PRKCB: variants seen among roughly 807,000 people sequenced by gnomAD.
The protein encoded by PRKCB is protein kinase C beta.
In PRKCB, 13 loss-of-function variants were observed where a neutral mutation model predicts 81.5. That is an observed-to-expected ratio of 0.16 (90% confidence interval 0.10 to 0.25). The LOEUF (loss-of-function observed/expected upper bound fraction) is 0.25, where lower values mean the gene tolerates loss of function less well. PRKCB is among the 10% of genes least tolerant of loss of function. The probability of loss-of-function intolerance (pLI) is 1.00; values close to 1 mark genes in which losing one functional copy is unlikely to be tolerated. For missense variants in PRKCB, 509 were observed against 875.7 expected, an observed-to-expected ratio of 0.58 and a Z score of 5.29; for synonymous variants, 335 against 321.4, an observed-to-expected ratio of 1.04 and a Z score of -0.45.
chr16:24,003,353 C>A lies in PRKCB; in HGVS notation c.288+14763C>A, dbSNP rs187068775. Among the ~76,000 whole-genome samples the A allele has an allele frequency of 7.2e-5, 11 of 151,836 alleles. No individual in the cohort carries two copies. In the East Asian group the frequency reaches 2.1e-3, roughly 29 times the overall value. On this transcript the variant is annotated intron_variant, in intron 3 of 16. Coordinates refer to ENST00000643927, the MANE Select transcript of PRKCB (RefSeq NM_002738.7). ...GTTGACCCCATGGAAAGATGGCAACCCTAGTGGAGGAATTAGCCTTCTTCC... is the reference window on the plus strand; with the variant it reads ...GTTGACCCCATGGAAAGATGGCAACACTAGTGGAGGAATTAGCCTTCTTCC...
At chr16:24,031,531 A>C (rs1190135715) in intron 3 of PRKCB, among the ~76,000 whole-genome samples, 1 of 152,210 alleles carries the variant, frequency 6.6e-6, no homozygotes, top group East Asian at 1.9e-4. Flanking sequence ...TATGGCCTCT[A>C]TCTGGATAGC....
chr16:23,987,403 G>C (rs181664882), intron 2 of PRKCB, among the ~76,000 whole-genome samples: 5 of 138,930 alleles, frequency 3.6e-5, no homozygotes, highest in African/African-American at 5.2e-5. Flanking sequence ...GGTTGGGGTG[G>C]GGGGGGGTGT....
chr16:23,839,005 T>A (rs1597203075), intron 2 of PRKCB, among the ~76,000 whole-genome samples: 2 of 152,186 alleles, frequency 1.3e-5, no homozygotes, highest in African/African-American at 4.8e-5. Flanking sequence ...TTCTTTGAGG[T>A]TGCCTTTCAC....
chr16:24,129,222 G>T (rs1966849450), intron 9 of PRKCB, among the ~76,000 whole-genome samples: 1 of 152,128 alleles, frequency 6.6e-6, no homozygotes, highest in Non-Finnish European at 1.5e-5. Context: ...AGTTTGAATG[G>T]AGGCTTTCTT....
At chr16:23,907,132 G>A (rs1963572178) in intron 2 of PRKCB, among the ~76,000 whole-genome samples, 1 of 152,164 alleles carries the variant, frequency 6.6e-6, no homozygotes, top group Admixed American at 6.5e-5. Flanking sequence ...ATGTTTAGCA[G>A]CATCCTTGGT....
intron 15 of PRKCB, among the ~76,000 whole-genome samples, chr16:24,188,920 G>A (rs1967746409): frequency 6.6e-6 from 1 of 152,172 alleles, no homozygotes; most frequent in African/African-American, 2.4e-5. Flanking sequence ...GAAGCCTTTA[G>A]CACGGAGCCT....
intron 5 of PRKCB, among the ~76,000 whole-genome samples, chr16:24,076,088 A>G (rs1392283387): frequency 6.6e-6 from 1 of 152,204 alleles, no homozygotes; most frequent in Non-Finnish European, 1.5e-5. Flanking sequence ...TTAGGAGATC[A>G]TGCATTTCTA....
At chr16:23,993,490 A>G (rs1042425774) in intron 3 of PRKCB, among the ~76,000 whole-genome samples, 1 of 152,182 alleles carries the variant, frequency 6.6e-6, no homozygotes, top group African/African-American at 2.4e-5. Flanking sequence ...TGGATTTGTC[A>G]TTTAATACCC....
At chr16:23,979,862 T>C (rs1470426050) in intron 2 of PRKCB, among the ~76,000 whole-genome samples, 3 of 152,130 alleles carry the variant, frequency 2.0e-5, no homozygotes, top group Non-Finnish European at 4.4e-5. Flanking sequence ...GGCAGGAGGA[T>C]CACTTGAGGT....
chr16:24,185,040 A>G (rs1967682069), intron 13 of PRKCB, 71 bp from the exon 14 acceptor site: 1 of 1,280,738 alleles, frequency 7.8e-7, no homozygotes, highest in Non-Finnish European at 1.1e-6. Flanking sequence ...CTTGTAAAAG[A>G]AGAGTGAAAT....
intron 13 of PRKCB, among the ~76,000 whole-genome samples, chr16:24,182,524 AAAAGAAAGAAAG>A (rs553167088): frequency 3.3e-5 from 5 of 152,090 alleles, no homozygotes; most frequent in Non-Finnish European, 5.9e-5. Context: ...CTGTCTCAAA[AAAAGAAAGAAAG>A]AAAGAAAGAA....
At chr16:24,084,205 A>G (rs1966286568) in intron 5 of PRKCB, among the ~76,000 whole-genome samples, 1 of 152,204 alleles carries the variant, frequency 6.6e-6, no homozygotes, top group South Asian at 2.1e-4. Context: ...GCATTTATCC[A>G]TGGGTAAATG....
intron 10 of PRKCB, among the ~76,000 whole-genome samples, chr16:24,163,296 G>C (rs1967293402): frequency 6.6e-6 from 1 of 152,194 alleles, no homozygotes; most frequent in South Asian, 2.1e-4. Flanking sequence ...TAGGCTAGTG[G>C]TACAAACATG....
chr16:24,118,492 G>A (rs1359449653), intron 8 of PRKCB, among the ~76,000 whole-genome samples: 3 of 152,186 alleles, frequency 2.0e-5, no homozygotes, highest in Non-Finnish European at 2.9e-5. Context: ...CCCACTGCTG[G>A]GTAGCTGGGA....
At chr16:24,099,259 T>C (rs1309798651) in intron 7 of PRKCB, 1 of 152,230 alleles carries the variant, frequency 6.6e-6, no homozygotes, top group Non-Finnish European at 1.5e-5. Flanking sequence ...GACTTTCTCA[T>C]GCACTTTTGT....
chr16:24,138,220 G>A (rs1966871692), intron 9 of PRKCB, among the ~76,000 whole-genome samples: 1 of 152,150 alleles, frequency 6.6e-6, no homozygotes, highest in Non-Finnish European at 1.5e-5. Flanking sequence ...TGCATCCAGT[G>A]CCCCCTACTC....
At chr16:24,198,999 A>G (rs1967918140) in intron 16 of PRKCB, among the ~76,000 whole-genome samples, 1 of 152,176 alleles carries the variant, frequency 6.6e-6, no homozygotes, top group African/African-American at 2.4e-5. Context: ...GACTGATTCC[A>G]ATCATTTCTG....
chr16:24,191,412 C>T, intron 16 of PRKCB, 182 bp downstream of exon 16: 1 of 627,142 alleles, frequency 1.6e-6, no homozygotes, highest in Non-Finnish European at 2.6e-6. Context: ...TCCATTGGCC[C>T]AGCTTAGTCT....
At chr16:23,854,228 G>A (rs1282214768) in intron 2 of PRKCB, among the ~76,000 whole-genome samples, 2 of 151,914 alleles carry the variant, frequency 1.3e-5, no homozygotes, top group South Asian at 2.1e-4. Flanking sequence ...TTTGAGGCCG[G>A]GTTAGTTCTC....
Sources: allele counts gnomAD v4.1 joint callset (sites outside exome capture counted in the v4.1 genomes callset), GRCh38; gene constraint gnomAD v4.1.1; transcripts MANE v1.5; gene names NCBI Gene and HGNC (gene_info 2026-07-23, HGNC 2026-07-21).